ESR1: variants seen among roughly 807,000 people sequenced by gnomAD.
ESR1 encodes the protein estrogen receptor.
Under a neutral mutation model 52.7 loss-of-function variants are expected in ESR1, and 12 were observed. The observed-to-expected ratio is 0.23, with a 90% CI of 0.15 to 0.37. The LOEUF (loss-of-function observed/expected upper bound fraction) is 0.37. ESR1 is among the 10% of genes least tolerant of loss of function. ESR1 has a pLI of 1.00. For missense variants in ESR1, 584 were observed against 779.7 expected, an observed-to-expected ratio of 0.75 and a Z score of 2.99; for synonymous variants, 305 against 316.8, an observed-to-expected ratio of 0.96 and a Z score of 0.39.
chr6:151,886,996 A>G (rs974375871), intron 3 of ESR1, among the ~76,000 whole-genome samples: 1 of 151,186 alleles, frequency 6.6e-6, no homozygotes, highest in African/African-American at 2.4e-5. Flanking sequence ...GGCCAAAATC[A>G]CACCACTGCA....
intron 2 of ESR1, among the ~76,000 whole-genome samples, chr6:151,846,583 G>A (rs966825183): frequency 6.6e-6 from 1 of 152,214 alleles, no homozygotes; most frequent in Non-Finnish European, 1.5e-5. Flanking sequence ...CTAGAAATGA[G>A]TGTACATCAG....
At chr6:151,703,330 C>T (rs1779935760) in intron 2 of ESR1, among the ~76,000 whole-genome samples, 1 of 152,162 alleles carries the variant, frequency 6.6e-6, no homozygotes, top group African/African-American at 2.4e-5. Flanking sequence ...CTGGTCAGGC[C>T]AGTCTTCTGA....
At chr6:151,771,980 G>A (rs1785558176) in intron 2 of ESR1, among the ~76,000 whole-genome samples, 2 of 152,186 alleles carry the variant, frequency 1.3e-5, no homozygotes, top group Admixed American at 1.3e-4. Context: ...TTTCTCAGGA[G>A]GTTGTTTTGA....
intron 2 of ESR1, among the ~76,000 whole-genome samples, chr6:151,772,368 T>A (rs763715068): frequency 1.3e-5 from 2 of 152,308 alleles, no homozygotes; most frequent in Non-Finnish European, 2.9e-5. Context: ...GAGAACAGCA[T>A]TGCCAATAAC....
chr6:152,120,542 G>C (rs918470235), intron 6 of ESR1, among the ~76,000 whole-genome samples: 1 of 152,166 alleles, frequency 6.6e-6, no homozygotes, highest in Non-Finnish European at 1.5e-5. Flanking sequence ...GTAGAGAGAA[G>C]TCTTAAATAC....
At chr6:151,899,467 A>G (rs1378843046) in intron 3 of ESR1, among the ~76,000 whole-genome samples, 4 of 120,180 alleles carry the variant, frequency 3.3e-5, no homozygotes, top group East Asian at 2.9e-4. Flanking sequence ...GCAGCTGGCC[A>G]GGCGGGGGGC....
At chr6:152,008,847 A>G (rs1425815425) in intron 4 of ESR1, among the ~76,000 whole-genome samples, 8 of 152,108 alleles carry the variant, frequency 5.3e-5, no homozygotes, top group African/African-American at 1.7e-4. Context: ...CATTACTATT[A>G]TGAGACTTAA....
chr6:151,830,476 A>C (rs549222555), intron 1 of ESR1, among the ~76,000 whole-genome samples: 2 of 152,336 alleles, frequency 1.3e-5, no homozygotes, highest in African/African-American at 4.8e-5. Flanking sequence ...CAGGCTTTTT[A>C]AAAAAGAAGA....
chr6:151,793,050 A>C (rs1393907284), intron 2 of ESR1, among the ~76,000 whole-genome samples: 1 of 152,056 alleles, frequency 6.6e-6, no homozygotes, highest in Non-Finnish European at 1.5e-5. Flanking sequence ...GTGCACCTGC[A>C]GTCCCAGCTA....
intron 1 of ESR1, among the ~76,000 whole-genome samples, chr6:151,810,002 A>G (rs765012631): frequency 5.9e-4 from 90 of 151,978 alleles, no homozygotes; most frequent in Non-Finnish European, 1.0e-3. Flanking sequence ...TCCAGAAACC[A>G]TTTTCTTCCC....
chr6:151,898,789 A>C (rs969407046), intron 3 of ESR1, among the ~76,000 whole-genome samples: 1 of 151,872 alleles, frequency 6.6e-6, no homozygotes, highest in Non-Finnish European at 1.5e-5. Flanking sequence ...AAAGTCTCCC[A>C]CGTCTACCTC....
chr6:151,969,757 GT>G (rs1166918664), intron 4 of ESR1, among the ~76,000 whole-genome samples: 1 of 152,158 alleles, frequency 6.6e-6, no homozygotes, highest in African/African-American at 2.4e-5. Context: ...CACCTTAGAC[GT>G]TTTTTCATTT....
chr6:152,063,839 G>C (rs2047745692), intron 6 of ESR1, among the ~76,000 whole-genome samples: 1 of 152,152 alleles, frequency 6.6e-6, no homozygotes, highest in Admixed American at 6.5e-5. Flanking sequence ...AGGAACCCAA[G>C]GTTTTGTGTT....
chr6:151,865,007 C>T (rs1250791858), intron 2 of ESR1, among the ~76,000 whole-genome samples: 2 of 151,752 alleles, frequency 1.3e-5, no homozygotes, highest in Admixed American at 6.6e-5. Context: ...TTAATGGGTG[C>T]AGCACACCAA....
chr6:152,064,579 A>G (rs779208572), intron 6 of ESR1, among the ~76,000 whole-genome samples: 31 of 152,136 alleles, frequency 2.0e-4, no homozygotes, highest in Non-Finnish European at 3.4e-4. Flanking sequence ...AGTTCCTACT[A>G]TGGACTTTGT....
At chr6:151,744,560 T>A (rs1171746501) in intron 2 of ESR1, among the ~76,000 whole-genome samples, 2 of 152,230 alleles carry the variant, frequency 1.3e-5, no homozygotes, top group Non-Finnish European at 2.9e-5. Flanking sequence ...AAAAATTTGA[T>A]GATTTTAAAT....
chr6:151,708,760 C>T (rs896832974), intron 2 of ESR1, among the ~76,000 whole-genome samples: 3 of 152,002 alleles, frequency 2.0e-5, no homozygotes, highest in Admixed American at 6.5e-5. Flanking sequence ...GGTTGCTTTT[C>T]TCTTATTAAA....
upstream of ESR1, among the ~76,000 whole-genome samples, chr6:151,687,739 A>G (rs568357215): frequency 6.6e-6 from 1 of 152,154 alleles, no homozygotes; most frequent in African/African-American, 2.4e-5. Context: ...AACCTGAAAA[A>G]TTTCTAGAAT....
In ESR1 at chr6:152,061,734, T is replaced by TTTTTTG. The variant is rs374719529; in HGVS notation, c.1369+633_1369+638dup. On this transcript the variant is annotated intron_variant, in intron 6 of 7. Transcript: ENST00000206249. The surrounding 1 kb of genome is among the most constrained non-coding windows in gnomAD (Gnocchi z 4.3). ...AAAGCTTAGCTAAGAGCAACATCTG[T>TTTTTTG]TTTTTGTTTTTGTTTTTGTTTTTGT... Among the ~76,000 whole-genome samples the TTTTTTG allele has an allele frequency of 3.7e-4, 56 of 152,238 alleles. No homozygotes were observed. In the East Asian group the frequency reaches 3.9e-3, roughly 11 times the overall value.
Sources: gnomAD v4.1 joint callset for allele counts (sites outside exome capture counted in the v4.1 genomes callset) on GRCh38, gnomAD v4.1.1 for gene constraint, Gnocchi (gnomAD v3.1) non-coding constraint, MANE v1.5 for transcripts, NCBI Gene and HGNC (gene_info 2026-07-23, HGNC 2026-07-21) for gene names.